Variants in GABRA5 observed in about 807,000 individuals in gnomAD.
GABRA5 encodes the protein gamma-aminobutyric acid receptor subunit alpha-5.
GABRA5 carries 18 observed loss-of-function variants against 47.3 expected under a neutral mutation model. The observed-to-expected ratio is 0.38, with a 90% confidence interval of 0.26 to 0.56. GABRA5 has a LOEUF of 0.56. Among genes scored for constraint, GABRA5 ranks in the 20% least tolerant of loss-of-function variants. The pLI is 0.71. For missense variants in GABRA5, 365 were observed against 599.3 expected, an observed-to-expected ratio of 0.61 and a Z score of 4.08; for synonymous variants, 237 against 229.3, an observed-to-expected ratio of 1.03 and a Z score of -0.30.
chr15:26,912,699 G>A (rs1050029029), intron 6 of GABRA5, among the ~76,000 whole-genome samples: 34 of 152,282 alleles, frequency 2.2e-4, no homozygotes, highest in African/African-American at 7.2e-4. Flanking sequence ...AAAGATTTTG[G>A]TGATGGGGGA....
At chr15:26,895,160 C>G (rs1423098464) in intron 6 of GABRA5, among the ~76,000 whole-genome samples, 1 of 152,106 alleles carries the variant, frequency 6.6e-6, no homozygotes, top group Non-Finnish European at 1.5e-5. Context: ...GGTCGCCCAC[C>G]ACGTCCTGAC....
chr15:26,939,902 T>C, intron 8 of GABRA5, 23 bp from the exon 9 acceptor site: 1 of 1,613,182 alleles, frequency 6.2e-7, no homozygotes, highest in Admixed American at 1.7e-5. Flanking sequence ...GGGACTGATG[T>C]GCAGTCATTT....
chr15:26,893,868 G>C (rs1893104954), intron 6 of GABRA5, among the ~76,000 whole-genome samples: 1 of 152,136 alleles, frequency 6.6e-6, no homozygotes, highest in African/African-American at 2.4e-5. Context: ...CAGAGTGCAA[G>C]ATGTGAGACC....
rs752291300 is a variant in GABRA5 at position 26,947,918 on chromosome 15, G to A, written c.1090-16G>A. ...CTGCAAATGGCGTGTCCTTACATTC[G>A]TATTATATTTTGCAGAAAAAGCGTG... is the stretch of plus-strand genomic sequence containing the variant. On this transcript the variant is annotated splice_polypyrimidine_tract_variant and intron_variant, in intron 10 of 10. Coordinates refer to ENST00000335625, the MANE Select transcript of GABRA5 (RefSeq NM_000810.4). 3.0e-5 allele frequency: 47 copies of A among 1,557,762 alleles called. No individual in the cohort carries two copies. Among genetic ancestry groups the A allele is most frequent in the South Asian group, 3.5e-5 (3 of 84,560 alleles).
chr15:26,885,717 A>C (rs912888230), intron 6 of GABRA5, among the ~76,000 whole-genome samples: 14 of 152,180 alleles, frequency 9.2e-5, no homozygotes, highest in Non-Finnish European at 2.1e-4. Flanking sequence ...GTCCTTAGCC[A>C]TCAGTCCATG....
intron 7 of GABRA5, among the ~76,000 whole-genome samples, chr15:26,922,278 G>A (rs904945910): frequency 4.6e-5 from 7 of 151,872 alleles, no homozygotes; most frequent in African/African-American, 1.7e-4. Flanking sequence ...GTATTATTTG[G>A]TGCATACACA....
intron 7 of GABRA5, among the ~76,000 whole-genome samples, chr15:26,916,190 C>T (rs1439472547): frequency 6.6e-6 from 1 of 152,050 alleles, no homozygotes; most frequent in Non-Finnish European, 1.5e-5. Flanking sequence ...AAAATGTAAT[C>T]CATTTTCCTT....
chr15:26,883,110 G>A lies in GABRA5; in HGVS notation c.209-56G>A. On this transcript the variant is annotated intron_variant, in intron 4 of 10. Transcript: ENST00000335625. The surrounding 1 kb of genome is among the most constrained non-coding windows in gnomAD (Gnocchi z 4.8). ...GTTACTGGACTGAGAGCACGAGAGTGTGCCAGACGCGCAGGGTGGGTCGGT... is the reference window on the plus strand; with the variant it reads ...GTTACTGGACTGAGAGCACGAGAGTATGCCAGACGCGCAGGGTGGGTCGGT... The A allele has an allele frequency of 5.0e-6, 7 of 1,410,376 alleles. No individual in the cohort carries two copies. The highest frequency in any genetic ancestry group is 6.0e-6 in the Non-Finnish European group (6 of 993,974). 87.4% of individuals were successfully genotyped at this position (1,410,376 alleles called of 1,614,324 possible).
chr15:26,911,322 G>A (rs1047531558), intron 6 of GABRA5, among the ~76,000 whole-genome samples: 1 of 151,022 alleles, frequency 6.6e-6, no homozygotes, highest in Non-Finnish European at 1.5e-5. Context: ...CCAGCTAAAT[G>A]CTGTCCACCT....
chr15:26,887,418 C>T (rs1246806738), intron 6 of GABRA5, among the ~76,000 whole-genome samples: 1 of 152,138 alleles, frequency 6.6e-6, no homozygotes, highest in Admixed American at 6.6e-5. Flanking sequence ...CAACCTCTGC[C>T]TCCCGGATTC....
At chr15:26,934,457 G>A (rs1296604552) in intron 7 of GABRA5, among the ~76,000 whole-genome samples, 1 of 152,088 alleles carries the variant, frequency 6.6e-6, no homozygotes, top group Non-Finnish European at 1.5e-5. Flanking sequence ...CTCACAAACT[G>A]AGTTTGCTTT....
intron 7 of GABRA5, among the ~76,000 whole-genome samples, chr15:26,930,614 A>G (rs921869859): frequency 4.6e-5 from 7 of 152,096 alleles, no homozygotes; most frequent in Admixed American, 4.6e-4. Context: ...TCCAACCAAC[A>G]TTCTGCTCTG....
At chr15:26,899,917 C>A (rs1428713319) in intron 6 of GABRA5, among the ~76,000 whole-genome samples, 1 of 152,046 alleles carries the variant, frequency 6.6e-6, no homozygotes, top group Non-Finnish European at 1.5e-5. Flanking sequence ...GGACTTTCTA[C>A]CTTTTTTCTA....
In GABRA5 at chr15:26,883,246, G is replaced by A. The variant is rs762564386; in HGVS notation, c.276+13G>A. The A allele has an allele frequency of 1.2e-6, 2 of 1,613,604 alleles. No individual in the cohort carries two copies. Among genetic ancestry groups the A allele is most frequent in the Non-Finnish European group, 1.7e-6 (2 of 1,179,572 alleles). Reference sequence around the variant, plus strand: ...CGACACGGAAATGGTAGGTCCCGGGGCATGGCTGGGCAGACAATTCTTACT... The same window carrying A: ...CGACACGGAAATGGTAGGTCCCGGGACATGGCTGGGCAGACAATTCTTACT... On this transcript the variant is annotated intron_variant, in intron 5 of 10. Transcript: ENST00000335625. The surrounding 1 kb of genome is among the most constrained non-coding windows in gnomAD (Gnocchi z 4.8).
At chr15:26,866,901 A>C (rs937394980), upstream of GABRA5, 1 of 152,150 alleles carries the variant, frequency 6.6e-6, no homozygotes, top group Non-Finnish European at 1.5e-5. Flanking sequence ...TGGTGACTAC[A>C]CGAGGCGCCG....
intron 3 of GABRA5, among the ~76,000 whole-genome samples, chr15:26,873,553 G>T (rs73363963): frequency 0.027 from 4,125 of 152,314 alleles, 190 homozygotes; most frequent in African/African-American, 0.095. Flanking sequence ...ACACAAGTGT[G>T]CCAGTGTGGA....
At chr15:26,934,809 G>A (rs539406794) in intron 7 of GABRA5, among the ~76,000 whole-genome samples, 11 of 152,266 alleles carry the variant, frequency 7.2e-5, no homozygotes, top group African/African-American at 1.9e-4. Context: ...TTGAGAATTT[G>A]TGCCACTGCC....
At chr15:26,904,181 C>T (rs956988770) in intron 6 of GABRA5, among the ~76,000 whole-genome samples, 2 of 152,124 alleles carry the variant, frequency 1.3e-5, no homozygotes, top group African/African-American at 4.8e-5. Context: ...CAATCTTCTG[C>T]ATATAGCTAA....
chr15:26,883,964 C>T lies in GABRA5; in HGVS notation c.497+407C>T, dbSNP rs1430097260. Among the ~76,000 whole-genome samples, 1 of 150,962 alleles carries T rather than the reference C, an allele frequency of 6.6e-6. No individual in the cohort carries two copies. Among genetic ancestry groups the T allele is most frequent in the African/African-American group, 2.4e-5 (1 of 40,998 alleles). On this transcript the variant is annotated intron_variant, in intron 6 of 10. Transcript: ENST00000335625. This position sits in a 1 kb window ranked among gnomAD's most constrained non-coding sequence, Gnocchi z 4.8. ...GGAGGATTGCTTGAGGCCAGAAGTT[C>T]GAGATTAGCCTGGACAACATAGCGA...
Sources: allele counts gnomAD v4.1 joint callset (sites outside exome capture counted in the v4.1 genomes callset), GRCh38; gene constraint gnomAD v4.1.1; non-coding constraint Gnocchi (gnomAD v3.1); transcripts MANE v1.5; gene names NCBI Gene and HGNC (gene_info 2026-07-23, HGNC 2026-07-21).